The following GDAP2 variants were observed in gnomAD, a reference collection of about 807,000 sequenced individuals.
GDAP2 encodes ganglioside induced differentiation associated protein 2, also known as ganglioside-induced differentiation-associated protein 2.
In GDAP2, 51 loss-of-function variants were observed where a neutral mutation model predicts 67.0. The observed-to-expected ratio is 0.76, with a 90% CI of 0.61 to 0.96. The LOEUF is 0.96. GDAP2 is among the 40% of genes least tolerant of loss of function. The pLI is 0.00. For synonymous variants in GDAP2, 203 were observed against 207.3 expected (o/e 0.98, Z 0.18); for missense variants, 547 against 588.3 (o/e 0.93, Z 0.73).
intron 3 of GDAP2, 46 bp from the exon 4 acceptor site, chr1:117,912,729 C>G: frequency 6.6e-7 from 1 of 1,524,078 alleles, no homozygotes; most frequent in South Asian, 1.2e-5. Context: ...GTTAGGAAAA[C>G]AGAAACAAAA....
intron 7 of GDAP2, 131 bp downstream of exon 7, chr1:117,898,926 C>T (rs1649351376): frequency 4.4e-6 from 3 of 681,778 alleles, no homozygotes; most frequent in South Asian, 3.6e-5. Context: ...AACTTCTAAA[C>T]TGGTCTTGAT....
At chr1:117,908,831 A>G (rs1649749635) in intron 5 of GDAP2, among the ~76,000 whole-genome samples, 1 of 146,046 alleles carries the variant, frequency 6.8e-6, no homozygotes, top group Non-Finnish European at 1.5e-5. Context: ...TCTCAAAAAA[A>G]TAAATAAATA....
intron 13 of GDAP2, among the ~76,000 whole-genome samples, chr1:117,872,702 A>G (rs1175314589): frequency 6.7e-6 from 1 of 150,262 alleles, no homozygotes; most frequent in Non-Finnish European, 1.5e-5. Flanking sequence ...GGGTGGGGGG[A>G]GAGCATTAGG....
chr1:117,914,168 A>C (rs775513267), intron 3 of GDAP2, among the ~76,000 whole-genome samples: 13 of 152,278 alleles, frequency 8.5e-5, no homozygotes, highest in Non-Finnish European at 2.9e-5. Flanking sequence ...ACACTTAAGG[A>C]TCACCAGAAA....
At chr1:117,901,720 C>T (rs1032244889) in intron 6 of GDAP2, among the ~76,000 whole-genome samples, 1 of 152,152 alleles carries the variant, frequency 6.6e-6, no homozygotes. Flanking sequence ...CATGTTTTCA[C>T]ATCTTAAAGC....
In GDAP2 at chr1:117,868,196, T is replaced by C. The variant is rs1031625313; in HGVS notation, c.*2373A>G. The C allele has an allele frequency of 1.3e-5, 2 of 152,224 alleles. No homozygotes were observed. Among genetic ancestry groups the C allele is most frequent in the Non-Finnish European group, 2.9e-5 (2 of 68,036 alleles). The allele number at this position is 152,224 out of a possible 1,614,324, so 9.4% of individuals were successfully genotyped here. On this transcript the variant is annotated 3_prime_UTR_variant, in exon 14 of 14. Transcript: ENST00000369443. ...AATCATTTCAATATCAAGGTCATTA[T>C]ATTTCTCCTCTAGGATTTGGTACTT...
intron 8 of GDAP2, among the ~76,000 whole-genome samples, chr1:117,889,810 A>G (rs1649004191): frequency 1.3e-5 from 2 of 152,136 alleles, no homozygotes; most frequent in African/African-American, 2.4e-5. Flanking sequence ...AGCAAAATGT[A>G]TATTACATCA....
At chr1:117,922,441 G>A (rs1650286006) in intron 1 of GDAP2, among the ~76,000 whole-genome samples, 1 of 152,176 alleles carries the variant, frequency 6.6e-6, no homozygotes, top group South Asian at 2.1e-4. Flanking sequence ...ATACTGAAAG[G>A]TTGAATAACA....
chr1:117,925,363 G>A (rs948397004), intron 1 of GDAP2, among the ~76,000 whole-genome samples: 7 of 152,026 alleles, frequency 4.6e-5, no homozygotes, highest in African/African-American at 1.7e-4. Flanking sequence ...TGAGGTAGGA[G>A]GATTGCTTGA....
At chr1:117,918,983 T>C (rs1650147825) in intron 2 of GDAP2, among the ~76,000 whole-genome samples, 1 of 152,182 alleles carries the variant, frequency 6.6e-6, no homozygotes, top group African/African-American at 2.4e-5. Context: ...GCATTACTTA[T>C]TATGGCCAGA....
At chr1:117,928,932 G>T (rs374744875) in intron 1 of GDAP2, among the ~76,000 whole-genome samples, 1 of 152,174 alleles carries the variant, frequency 6.6e-6, no homozygotes, top group Non-Finnish European at 1.5e-5. Flanking sequence ...ACAAGGAGGA[G>T]TCAGCCTTGG....
chr1:117,902,105 C>T (rs1649492431), intron 6 of GDAP2, among the ~76,000 whole-genome samples: 1 of 152,194 alleles, frequency 6.6e-6, no homozygotes, highest in Admixed American at 6.5e-5. Context: ...CTGCATAGCA[C>T]CCATGCCTCT....
At chr1:117,906,883 T>C (rs1043941264) in intron 5 of GDAP2, among the ~76,000 whole-genome samples, 3 of 152,206 alleles carry the variant, frequency 2.0e-5, no homozygotes, top group African/African-American at 7.2e-5. Context: ...CTTTATTGTA[T>C]TTATTGCTCT....
chr1:117,918,691 G>A lies in GDAP2; in HGVS notation c.222C>T (p.Thr74=). The A allele has an allele frequency of 6.3e-7, 1 of 1,594,244 alleles. No individual in the cohort carries two copies. Among genetic ancestry groups the A allele is most frequent in the Non-Finnish European group, 8.6e-7 (1 of 1,162,080 alleles). Residue 74 remains threonine, a synonymous_variant, in exon 3 of 14, where the codon ACC becomes ACT. Coordinates refer to ENST00000369443, the MANE Select transcript of GDAP2 (RefSeq NM_017686.4). The part of the protein sequence containing the change: ...ALLNCTAIVN[T]SNESLTDKNP... ...TCTTATCTGTGAGACTTTCATTGCT[G>A]GTATTCACAATGGCTGTACAGTTCA...
chr1:117,903,459 T>C (rs776365579), intron 6 of GDAP2, among the ~76,000 whole-genome samples: 14 of 151,858 alleles, frequency 9.2e-5, no homozygotes, highest in South Asian at 4.1e-4. Flanking sequence ...TATTCCTAGT[T>C]TGTTGACTGT....
At chr1:117,873,142 T>C (rs1557792772) in intron 13 of GDAP2, among the ~76,000 whole-genome samples, 2 of 152,232 alleles carry the variant, frequency 1.3e-5, no homozygotes, top group Non-Finnish European at 2.9e-5. Flanking sequence ...GGCAAGAGAC[T>C]GCTGAGCAAT....
chr1:117,878,995 T>C (rs1185750958), intron 12 of GDAP2, among the ~76,000 whole-genome samples: 2 of 152,214 alleles, frequency 1.3e-5, no homozygotes, highest in African/African-American at 4.8e-5. Context: ...AGGACCATTA[T>C]AGTAAATATT....
chr1:117,870,396 C>G lies in GDAP2; in HGVS notation c.*173G>C, dbSNP rs1438629338. ...ATGTGTGCAGTTCAGAATGGCCTACCATTTTTAGATTGCTTATGTGCCAGA... is the reference window on the plus strand; with the variant it reads ...ATGTGTGCAGTTCAGAATGGCCTACGATTTTTAGATTGCTTATGTGCCAGA... On this transcript the variant is annotated 3_prime_UTR_variant, in exon 14 of 14. Coordinates refer to ENST00000369443, the MANE Select transcript of GDAP2 (RefSeq NM_017686.4). 1 of 594,822 alleles carries G rather than the reference C, an allele frequency of 1.7e-6. No homozygotes were observed. Among genetic ancestry groups the G allele is most frequent in the Non-Finnish European group, 3.0e-6 (1 of 333,084 alleles). 36.8% of individuals were successfully genotyped at this position (594,822 alleles called of 1,614,324 possible). A position where few individuals can be genotyped will look rare whatever the true frequency, so the allele number is the denominator to read the frequency against.
chr1:117,884,109 T>C (rs1046498582), intron 10 of GDAP2, among the ~76,000 whole-genome samples: 2 of 152,178 alleles, frequency 1.3e-5, no homozygotes, highest in African/African-American at 4.8e-5. Context: ...AGAATTACTA[T>C]AAAAAGATGT....
Sources: allele counts gnomAD v4.1 joint callset (sites outside exome capture counted in the v4.1 genomes callset), GRCh38; gene constraint gnomAD v4.1.1; transcripts MANE v1.5; gene names NCBI Gene and HGNC (gene_info 2026-07-23, HGNC 2026-07-21).